Variants in RGS9 observed in about 807,000 individuals in gnomAD.
RGS9 encodes regulator of G-protein signalling 9.
A neutral mutation model predicts 102.0 loss-of-function variants in RGS9; 78 were observed. That is an observed-to-expected ratio of 0.76 (90% CI 0.64 to 0.92). The LOEUF is 0.92. RGS9 is among the 40% of genes least tolerant of loss of function. The pLI is 0.00. For missense variants in RGS9, 833 were observed against 866.1 expected (o/e 0.96, Z 0.48); for synonymous variants, 353 against 318.6 (o/e 1.11, Z -1.15).
intron 2 of RGS9, among the ~76,000 whole-genome samples, chr17:65,157,141 G>A (rs567516327): frequency 2.5e-5 from 2 of 81,232 alleles, no homozygotes; most frequent in South Asian, 9.0e-4. Context: ...CACAGGGAGT[G>A]GAGTCTCAAT....
intron 1 of RGS9, among the ~76,000 whole-genome samples, chr17:65,141,646 A>G (rs947723523): frequency 6.6e-6 from 1 of 152,198 alleles, no homozygotes; most frequent in Non-Finnish European, 1.5e-5. Context: ...ATAAACAAGG[A>G]GACAAGAAGT....
chr17:65,156,720 G>A (rs1910783106), intron 2 of RGS9, among the ~76,000 whole-genome samples: 1 of 152,188 alleles, frequency 6.6e-6, no homozygotes, highest in African/African-American at 2.4e-5. Context: ...CCTCGGTGGA[G>A]AGAGCTAATC....
intron 18 of RGS9, among the ~76,000 whole-genome samples, chr17:65,226,927 G>T (rs1487868418): frequency 1.3e-5 from 2 of 152,074 alleles, no homozygotes; most frequent in African/African-American, 4.8e-5. Flanking sequence ...CATGAAGTCA[G>T]TTTAAAGGGG....
At chr17:65,221,594 ATG>A (rs2144128542) in intron 17 of RGS9, among the ~76,000 whole-genome samples, 1 of 152,034 alleles carries the variant, frequency 6.6e-6, no homozygotes, top group African/African-American at 2.4e-5. Flanking sequence ...CCAGCCAGGT[ATG>A]AGCTCAGTTT....
intron 9 of RGS9, among the ~76,000 whole-genome samples, chr17:65,179,578 T>TG (rs11408832): frequency 0.1 from 14,814 of 143,624 alleles, 1,388 homozygotes; most frequent in East Asian, 0.29. Context: ...CATTCTGAGA[T>TG]GGGGGGGTGG....
chr17:65,214,714 T>C (rs1913423711), intron 17 of RGS9, among the ~76,000 whole-genome samples: 1 of 152,194 alleles, frequency 6.6e-6, no homozygotes, highest in Admixed American at 6.5e-5. Flanking sequence ...CAGTCCCACC[T>C]TGCCCCTCAG....
chr17:65,168,975 G>T (rs369621353), intron 8 of RGS9, among the ~76,000 whole-genome samples: 2 of 152,198 alleles, frequency 1.3e-5, no homozygotes, highest in Non-Finnish European at 2.9e-5. Context: ...GTTTCCTCCT[G>T]TACAGCTCCC....
In RGS9 at chr17:65,168,180, C is replaced by T. The variant is rs373983959; in HGVS notation, c.501-20C>T. 9.4e-5 allele frequency: 149 copies of T among 1,581,162 alleles called. No homozygotes were observed. In the African/African-American group the frequency reaches 1.4e-3, roughly 14 times the overall value. ...GACACAAAGTCTTCCTGGCCTTACA[C>T]GTGGCTTTTGGCTTTCCAGGGCTGG... On this transcript the variant is annotated intron_variant, in intron 7 of 18. Transcript: ENST00000262406.
At chr17:65,154,783 T>C (rs1910707273) in intron 2 of RGS9, among the ~76,000 whole-genome samples, 1 of 152,250 alleles carries the variant, frequency 6.6e-6, no homozygotes, top group African/African-American at 2.4e-5. Flanking sequence ...TGTTTCATAC[T>C]TAGGCGTATT....
Position 65,153,507 on chromosome 17 carries a change from A to G in RGS9, c.143A>G (p.His48Arg). ...NQRVLVTSVPHAMTGSDVLQW... is the reference protein window; with the variant it reads ...NQRVLVTSVPRAMTGSDVLQW... ...AGGGTCCTGGTCACCAGCGTTCCTC[A>G]TGCCATGACAGGTGATGTAGCTTGC... The change falls in exon 2 of 19, where the codon CAT (histidine) becomes CGT (arginine). Residue 48 changes from histidine (H) to arginine (R), a missense_variant. Physicochemically the swap from His to Arg is conservative, Grantham distance 29. Coordinates refer to ENST00000262406, the MANE Select transcript of RGS9 (RefSeq NM_003835.4). The G allele has an allele frequency of 6.2e-7, 1 of 1,613,534 alleles. No homozygotes were observed. The highest frequency in any genetic ancestry group is 8.5e-7 in the Non-Finnish European group (1 of 1,179,388).
chr17:65,139,098 G>A (rs1413898018), intron 1 of RGS9, among the ~76,000 whole-genome samples: 5 of 5,144 alleles, frequency 9.7e-4, no homozygotes, highest in Non-Finnish European at 2.6e-3. Flanking sequence ...CTCCACCCCA[G>A]CTCTCCCCCC....
Position 65,227,601 on chromosome 17 carries a change from C to T in RGS9, c.*194C>T. On this transcript the variant is annotated 3_prime_UTR_variant, in exon 19 of 19. Coordinates refer to ENST00000262406, the MANE Select transcript of RGS9 (RefSeq NM_003835.4). Reference sequence around the variant, plus strand: ...TTACCAGGGGCCAACTCCTTCTCCTCTTCCTGACCCTCCCTCCCCTGGGCA... The same window carrying T: ...TTACCAGGGGCCAACTCCTTCTCCTTTTCCTGACCCTCCCTCCCCTGGGCA... 1.4e-6 allele frequency: 1 copy of T among 697,782 alleles called. No individual in the cohort carries two copies. The highest frequency in any genetic ancestry group is 1.7e-5 in the South Asian group (1 of 57,618). 43.2% of individuals were successfully genotyped at this position (697,782 alleles called of 1,614,324 possible). A position where few individuals can be genotyped will look rare whatever the true frequency, so the allele number is the denominator to read the frequency against.
intron 9 of RGS9, among the ~76,000 whole-genome samples, chr17:65,179,087 C>T (rs931417359): frequency 7.2e-5 from 11 of 152,226 alleles, no homozygotes; most frequent in African/African-American, 2.4e-4. Flanking sequence ...CTTTGGGTAG[C>T]AAGGGTGTCA....
intron 15 of RGS9, among the ~76,000 whole-genome samples, chr17:65,206,379 T>A (rs1913062986): frequency 1.3e-5 from 2 of 152,160 alleles, no homozygotes; most frequent in South Asian, 4.1e-4. Flanking sequence ...ACGTTTTGGT[T>A]CTTAAAAATG....
intron 2 of RGS9, 150 bp downstream of exon 2, chr17:65,153,668 G>C (rs1336815033): frequency 1.5e-6 from 1 of 680,964 alleles, no homozygotes; most frequent in Middle Eastern, 2.9e-4. Context: ...GAGGCGGGTG[G>C]ATCACAAGGT....
intron 5 of RGS9, 113 bp from the exon 6 acceptor site, chr17:65,160,738 G>A: frequency 7.2e-7 from 1 of 1,389,544 alleles, no homozygotes; most frequent in South Asian, 1.2e-5. Context: ...CAAGGGGCTG[G>A]GTGTGCTGAG....
In RGS9 at chr17:65,210,528, C is replaced by A. The variant is rs765596342; in HGVS notation, c.1330C>A (p.Pro444Thr). ...TATGCGGCGTCACCTGCGCTCCAGC[C>A]CAAGCCCTGTCATCCTGAGACAGCT... ...PFMRRHLRSS[P>T]SPVILRQLEE... Residue 444 changes from proline to threonine, a missense_variant, in exon 17 of 19, where the codon CCA becomes ACA. Physicochemically the swap from Pro to Thr is conservative, Grantham distance 38. Around this residue, in one of 3 missense-constraint regions of RGS9, gnomAD observed 185 missense variants for 248.7 expected, o/e 0.74. Transcript: ENST00000262406. The A allele has an allele frequency of 6.2e-7, 1 of 1,613,984 alleles. No individual in the cohort carries two copies. The highest frequency in any genetic ancestry group is 8.5e-7 in the Non-Finnish European group (1 of 1,180,032).
At chr17:65,213,357 A>G (rs1334235009) in intron 17 of RGS9, among the ~76,000 whole-genome samples, 7 of 152,184 alleles carry the variant, frequency 4.6e-5, no homozygotes, top group African/African-American at 1.7e-4. Context: ...CCTGCCCTCC[A>G]ACTTCTGGGG....
chr17:65,197,720 A>T (rs1421714312), intron 13 of RGS9, among the ~76,000 whole-genome samples: 1 of 149,138 alleles, frequency 6.7e-6, no homozygotes, highest in Non-Finnish European at 1.5e-5. Flanking sequence ...CCCAGCCTGG[A>T]GTGCAGTGGG....
Sources: gnomAD v4.1 joint callset for allele counts (sites outside exome capture counted in the v4.1 genomes callset) on GRCh38, gnomAD v4.1.1 for gene constraint, gnomAD v4.1.1 regional missense constraint, MANE v1.5 for transcripts, NCBI Gene and HGNC (gene_info 2026-07-23, HGNC 2026-07-21) for gene names.